The following FANK1 variants were observed in gnomAD, a reference collection of about 807,000 sequenced individuals.
The protein encoded by FANK1 is fibronectin type 3 and ankyrin repeat domains protein 1.
A neutral mutation model predicts 45.3 loss-of-function variants in FANK1; 44 were observed. The ratio of observed to expected loss-of-function variants is 0.97; its 90% CI spans 0.76 to 1.25. FANK1 has a LOEUF of 1.25. Ranked by LOEUF, FANK1 falls within the 50% of genes most tolerant of loss-of-function variation. The pLI is 0.00. For synonymous variants in FANK1, 149 were observed against 152.5 expected, an observed-to-expected ratio of 0.98 and a Z score of 0.17; for missense variants, 391 against 424.4, an observed-to-expected ratio of 0.92 and a Z score of 0.69.
intron 1 of FANK1, among the ~76,000 whole-genome samples, chr10:125,970,648 AC>A (rs1950459073): frequency 6.6e-6 from 1 of 152,184 alleles, no homozygotes; most frequent in Non-Finnish European, 1.5e-5. Flanking sequence ...CCCCTTCTCC[AC>A]CAAAAAATAC....
intron 1 of FANK1, among the ~76,000 whole-genome samples, chr10:125,900,623 TTC>T (rs58094868): frequency 0.039 from 5,999 of 152,120 alleles, 399 homozygotes; most frequent in African/African-American, 0.13. Context: ...ACACGTTTCT[TTC>T]TGTTTTTTTT....
At chr10:125,907,038 C>T (rs907443399) in intron 1 of FANK1, among the ~76,000 whole-genome samples, 20 of 152,094 alleles carry the variant, frequency 1.3e-4, no homozygotes, top group Non-Finnish European at 8.8e-5. Context: ...TTTACTGAAC[C>T]AGGGTTGTTC....
At chr10:125,964,342 G>A (rs748969541) in intron 1 of FANK1, among the ~76,000 whole-genome samples, 33 of 151,660 alleles carry the variant, frequency 2.2e-4, no homozygotes, top group Non-Finnish European at 4.3e-4. Context: ...ACAGGTGTGC[G>A]CCACCGTGCC....
intron 1 of FANK1, 133 bp from the exon 2 acceptor site, chr10:125,980,028 A>G (rs531258236): frequency 1.6e-5 from 14 of 876,312 alleles, no homozygotes; most frequent in African/African-American, 1.3e-4. Context: ...TTTAAGCAAC[A>G]GGGAGGTATG....
intron 1 of FANK1, among the ~76,000 whole-genome samples, chr10:125,978,887 C>T (rs529313111): frequency 1.3e-5 from 2 of 152,304 alleles, no homozygotes; most frequent in East Asian, 3.9e-4. Flanking sequence ...GTACAGGAGT[C>T]TAACCTCTCA....
intron 3 of FANK1, among the ~76,000 whole-genome samples, chr10:125,992,082 C>T (rs1354177280): frequency 2.0e-5 from 3 of 152,180 alleles, no homozygotes; most frequent in Admixed American, 6.5e-5. Context: ...GAGCAATGGC[C>T]GGCCTTTTAA....
chr10:125,995,416 G>T lies in FANK1; in HGVS notation c.317-1G>T. 1.2e-6 allele frequency: 2 copies of T among 1,614,072 alleles called. No homozygotes were observed. Among genetic ancestry groups the T allele is most frequent in the Non-Finnish European group, 1.7e-6 (2 of 1,179,938 alleles). ...GACTGCCTTCCATCTCATTTCTCCA[G>T]GAGAGCCCATAAGTAGTGAGCACTT... On this transcript the variant is annotated splice_acceptor_variant, in intron 3 of 10. Coordinates refer to ENST00000368693, the MANE Select transcript of FANK1 (RefSeq NM_145235.5). LOFTEE classifies it high-confidence loss of function.
At chr10:125,971,923 G>A (rs779050539) in intron 1 of FANK1, among the ~76,000 whole-genome samples, 16 of 152,072 alleles carry the variant, frequency 1.1e-4, no homozygotes, top group South Asian at 2.1e-4. Flanking sequence ...CACTGCGCCC[G>A]GCCGCTCCGG....
chr10:125,945,595 G>A (rs552112653), intron 1 of FANK1, among the ~76,000 whole-genome samples: 1 of 152,216 alleles, frequency 6.6e-6, no homozygotes, highest in Non-Finnish European at 1.5e-5. Flanking sequence ...GGCTGGGAGG[G>A]TCCTACGCCC....
chr10:125,950,222 C>T (rs937557081), intron 1 of FANK1, among the ~76,000 whole-genome samples: 3 of 151,008 alleles, frequency 2.0e-5, no homozygotes, highest in Admixed American at 6.6e-5. Flanking sequence ...ACTTCATGTC[C>T]AAAACACCAA....
chr10:125,988,941 C>T (rs1035629545), intron 3 of FANK1: 2 of 568,110 alleles, frequency 3.5e-6, no homozygotes, highest in Non-Finnish European at 6.2e-6. Flanking sequence ...GTGGAGTCAC[C>T]TTTCTTAGGA....
rs191023415 is a variant in FANK1, at chr10:125,971,652, C to T, written c.14-8509C>T. On this transcript the variant is annotated intron_variant, in intron 1 of 10. Transcript: ENST00000368693. ...TCTACATTTTTCTGAGACGGAGTCT[C>T]GCTCCGTCGCCCAGGCTGGAGTGCG... Among the ~76,000 whole-genome samples, 365 of 152,170 alleles carry T rather than the reference C, an allele frequency of 2.4e-3. 2 individuals carry two copies. Among genetic ancestry groups the T allele is most frequent in the Middle Eastern group, 6.8e-3 (2 of 294 alleles).
chr10:125,943,033 C>T (rs142553765), intron 1 of FANK1, among the ~76,000 whole-genome samples: 2,718 of 152,080 alleles, frequency 0.018, 89 homozygotes, highest in African/African-American at 0.061. Flanking sequence ...AGGCTGGTCT[C>T]GAACTTCTGA....
intron 1 of FANK1, 130 bp from the exon 2 acceptor site, chr10:125,980,031 G>A (rs1951098771): frequency 2.2e-6 from 2 of 890,134 alleles, no homozygotes; most frequent in East Asian, 2.6e-5. Context: ...AAGCAACAGG[G>A]AGGTATGCTC....
chr10:125,925,883 T>C (rs1034529874), intron 1 of FANK1, among the ~76,000 whole-genome samples: 1 of 152,252 alleles, frequency 6.6e-6, no homozygotes, highest in South Asian at 2.1e-4. Flanking sequence ...GGTGTGTATG[T>C]ACATGCATAT....
chr10:125,995,371 C>T, intron 3 of FANK1, 46 bp from the exon 4 acceptor site: 2 of 1,573,702 alleles, frequency 1.3e-6, no homozygotes, highest in Non-Finnish European at 1.7e-6. Context: ...GAAGCAGTCT[C>T]CTTTTCTGAT....
At chr10:125,959,609 A>C (rs1949797070) in intron 1 of FANK1, among the ~76,000 whole-genome samples, 1 of 152,180 alleles carries the variant, frequency 6.6e-6, no homozygotes, top group Admixed American at 6.5e-5. Context: ...TAAGTGTTAA[A>C]AAATGAAACA....
At chr10:125,914,414 G>A (rs1218494949) in intron 1 of FANK1, among the ~76,000 whole-genome samples, 1 of 152,078 alleles carries the variant, frequency 6.6e-6, no homozygotes, top group East Asian at 1.9e-4. Flanking sequence ...TGTTTGCAGG[G>A]AGGACACATG....
chr10:125,971,484 T>C (rs927262763), intron 1 of FANK1, among the ~76,000 whole-genome samples: 4 of 151,942 alleles, frequency 2.6e-5, no homozygotes, highest in African/African-American at 9.7e-5. Context: ...CTGGTTTGCA[T>C]TGTCTCACTT....
Sources: allele counts gnomAD v4.1 joint callset (sites outside exome capture counted in the v4.1 genomes callset), GRCh38; gene constraint gnomAD v4.1.1; transcripts MANE v1.5; gene names NCBI Gene and HGNC (gene_info 2026-07-23, HGNC 2026-07-21).